The following JUP variants were observed in gnomAD, a reference collection of about 807,000 sequenced individuals.
JUP encodes catenin (cadherin-associated protein), gamma 80kDa.
A neutral mutation model predicts 71.1 loss-of-function variants in JUP; 28 were observed. The observed-to-expected ratio is 0.39, with a 90% CI of 0.29 to 0.54. The LOEUF (loss-of-function observed/expected upper bound fraction) is 0.54, where lower values mean the gene tolerates loss of function less well. Among genes scored for constraint, JUP ranks in the 20% least tolerant of loss-of-function variants. The probability of loss-of-function intolerance (pLI) is 0.62; values close to 1 mark genes in which losing one functional copy is unlikely to be tolerated. For synonymous variants in JUP, 401 were observed against 438.9 expected, an observed-to-expected ratio of 0.91 and a Z score of 1.08; for missense variants, 869 against 1,030.1, an observed-to-expected ratio of 0.84 and a Z score of 2.14.
At chr17:41,783,405 A>C (rs2047272631) in intron 1 of JUP, among the ~76,000 whole-genome samples, 1 of 150,808 alleles carries the variant, frequency 6.6e-6, no homozygotes, top group Non-Finnish European at 1.5e-5. Flanking sequence ...CTCCCACCTC[A>C]ACATTCCCAG....
chr17:41,773,090 G>T (rs1366299538), intron 1 of JUP: 4 of 703,098 alleles, frequency 5.7e-6, no homozygotes, highest in Non-Finnish European at 7.0e-6. Context: ...ACTGGGACCA[G>T]GTGTGAGGGC....
In JUP at chr17:41,763,214, G is replaced by A. The variant is rs1057523741; in HGVS notation, c.1266C>T (p.Asn422=). 1 of 1,614,258 alleles carries A rather than the reference G, an allele frequency of 6.2e-7. No homozygotes were observed. The highest frequency in any genetic ancestry group is 1.3e-5 in the African/African-American group (1 of 75,058). Residue 422 remains asparagine (N), a synonymous_variant, in exon 8 of 14, where the codon AAC becomes AAT. Transcript: ENST00000393931. The part of the protein sequence containing the change: ...TGTLSNLTCN[N]SKNKTLVTQN... ...GTGTCACCAGCGTCTTGTTCTTGCT[G>A]TTGTTGCATGTCAGGTTGGAGAGTG...
intron 2 of JUP, chr17:41,771,295 G>A (rs1392488346): frequency 6.1e-6 from 2 of 330,218 alleles, no homozygotes; most frequent in African/African-American, 4.2e-5. Flanking sequence ...GCCTCCCAAA[G>A]TGCTGGGATT....
intron 1 of JUP, among the ~76,000 whole-genome samples, chr17:41,783,731 C>T (rs1173713015): frequency 1.3e-5 from 2 of 151,588 alleles, no homozygotes; most frequent in Non-Finnish European, 2.9e-5. Flanking sequence ...CCAGCCTGCG[C>T]AACATGGTGA....
intron 1 of JUP, among the ~76,000 whole-genome samples, chr17:41,778,860 G>A (rs1364380319): frequency 5.9e-5 from 9 of 151,680 alleles, no homozygotes; most frequent in Non-Finnish European, 1.3e-4. Flanking sequence ...GCAGTGAGCC[G>A]AGATCCTGCC....
At chr17:41,772,121 TC>T in intron 1 of JUP, 1 of 564,596 alleles carries the variant, frequency 1.8e-6, no homozygotes, top group Non-Finnish European at 3.2e-6. Flanking sequence ...ATCTCTGACC[TC>T]CCAGGGGGAT....
At chr17:41,768,904 G>C in intron 4 of JUP, 65 bp downstream of exon 4, 2 of 1,240,290 alleles carry the variant, frequency 1.6e-6, no homozygotes, top group Non-Finnish European at 1.2e-6. Context: ...GAAGCTCAGG[G>C]AAGGGAGGGG....
Position 41,771,644 on chromosome 17 carries a change from G to A in JUP, c.208+3C>T. On this transcript the variant is annotated splice_donor_region_variant and intron_variant, in intron 2 of 13. Transcript: ENST00000393931. Reference sequence around the variant, plus strand: ...CCATGCAATAGTCCCCAGGGGTCCTGACCTTGGCTGGGGGGCACCCCCTGG... The same window carrying A: ...CCATGCAATAGTCCCCAGGGGTCCTAACCTTGGCTGGGGGGCACCCCCTGG... 6.2e-7 allele frequency: 1 copy of A among 1,612,664 alleles called. No homozygotes were observed. The highest frequency in any genetic ancestry group is 1.1e-5 in the South Asian group (1 of 91,022).
At chr17:41,771,034 T>A (rs1249346688) in intron 2 of JUP, among the ~76,000 whole-genome samples, 1 of 152,170 alleles carries the variant, frequency 6.6e-6, no homozygotes. Context: ...AGACTCTTTT[T>A]TTTACTATTT....
chr17:41,758,654 A>C (rs1375587302), intron 9 of JUP, 61 bp downstream of exon 9: 1 of 1,587,706 alleles, frequency 6.3e-7, no homozygotes, highest in Non-Finnish European at 8.6e-7. Flanking sequence ...TCACACACAC[A>C]CCCACAGAGG....
intron 1 of JUP, among the ~76,000 whole-genome samples, chr17:41,774,829 G>A (rs1917196901): frequency 6.6e-6 from 1 of 151,948 alleles, no homozygotes; most frequent in Admixed American, 6.6e-5. Context: ...AGGTTCGGGT[G>A]CGGTGGCTCA....
chr17:41,778,638 A>C (rs7211296), intron 1 of JUP, among the ~76,000 whole-genome samples: 3 of 151,512 alleles, frequency 2.0e-5, no homozygotes, highest in Admixed American at 1.3e-4. Context: ...GTTGCCGAGC[A>C]CGGTGGCTCA....
intron 1 of JUP, chr17:41,775,912 C>T (rs1555608503): frequency 1.0e-6 from 1 of 966,154 alleles, no homozygotes; most frequent in African/African-American, 1.8e-5. Context: ...ACCGGGCACC[C>T]TAAATCCAAG....
At chr17:41,755,969 G>A in intron 13 of JUP, 74 bp from the exon 14 acceptor site, 2 of 1,545,714 alleles carry the variant, frequency 1.3e-6, no homozygotes, top group Non-Finnish European at 1.8e-6. Flanking sequence ...ACAGCCTTCA[G>A]CTGCCTCCTC....
intron 2 of JUP, 21 bp downstream of exon 2, chr17:41,771,626 A>G: frequency 1.2e-6 from 2 of 1,610,560 alleles, no homozygotes; most frequent in African/African-American, 1.3e-5. Flanking sequence ...GCCCCATGCA[A>G]TAGTCCCCAG....
chr17:41,763,068 A>T lies in JUP; in HGVS notation c.1412T>A (p.Met471Lys). ...HLTSRHPEAEMAQNSVRLNYG... is the reference protein window; with the variant it reads ...HLTSRHPEAEKAQNSVRLNYG... ...GTTGAGACGCACAGAGTTCTGGGCCATCTCGGCCTCAGGGTGGCGGCTAGT... is the reference window on the plus strand; with the variant it reads ...GTTGAGACGCACAGAGTTCTGGGCCTTCTCGGCCTCAGGGTGGCGGCTAGT... The change falls in exon 8 of 14, where the codon ATG becomes AAG. Residue 471 changes from methionine to lysine, a missense_variant. Physicochemically the swap from Met to Lys is moderately conservative, Grantham distance 95. Transcript: ENST00000393931. The T allele has an allele frequency of 6.2e-7, 1 of 1,614,112 alleles. No individual in the cohort carries two copies. Among genetic ancestry groups the T allele is most frequent in the Non-Finnish European group, 8.5e-7 (1 of 1,179,930 alleles).
At chr17:41,780,062 C>G (rs1260354471) in intron 1 of JUP, among the ~76,000 whole-genome samples, 1 of 152,200 alleles carries the variant, frequency 6.6e-6, no homozygotes, top group Non-Finnish European at 1.5e-5. Flanking sequence ...CAACTCTGCT[C>G]TGGTCCCTGC....
At chr17:41,773,379 C>T (rs1916953548) in intron 1 of JUP, among the ~76,000 whole-genome samples, 2 of 152,352 alleles carry the variant, frequency 1.3e-5, no homozygotes, top group South Asian at 2.1e-4. Context: ...GCCGTGAGCA[C>T]ACCCGGAACA....
rs1555607089 is a variant in JUP at position 41,771,798 on chromosome 17, T to C, written c.57A>G (p.Thr19=). Residue 19 remains threonine (T), a synonymous_variant, in exon 2 of 14, where the codon ACA becomes ACG. Coordinates refer to ENST00000393931, the MANE Select transcript of JUP (RefSeq NM_002230.4). ...QPIKVTEWQQ[T]YTYDSGIHSG... The stretch of plus-strand genomic sequence containing the variant: ...AGTGGATACCCGAGTCGTAGGTGTA[T>C]GTCTGCTGCCACTCAGTCACCTTGA... The C allele has an allele frequency of 1.2e-6, 2 of 1,613,734 alleles. No homozygotes were observed. The highest frequency in any genetic ancestry group is 1.3e-5 in the African/African-American group (1 of 75,028).
Sources: gnomAD v4.1 joint callset for allele counts (sites outside exome capture counted in the v4.1 genomes callset) on GRCh38, gnomAD v4.1.1 for gene constraint, MANE v1.5 for transcripts, NCBI Gene and HGNC (gene_info 2026-07-23, HGNC 2026-07-21) for gene names.